Variants in CSMD3 observed in about 807,000 individuals in gnomAD.
The protein encoded by CSMD3 is CUB and sushi domain-containing protein 3.
CSMD3 carries 177 observed loss-of-function variants against 435.2 expected under a neutral mutation model. The ratio of observed to expected loss-of-function variants is 0.41; its 90% CI spans 0.36 to 0.46. CSMD3 has a LOEUF of 0.46. Ranked by LOEUF, CSMD3 falls within the 20% of genes least tolerant of loss-of-function variation. The pLI, the probability that CSMD3 is intolerant of heterozygous loss-of-function variation, is 0.34. For missense variants in CSMD3, 4,265 were observed against 4,504.6 expected, an observed-to-expected ratio of 0.95 and a Z score of 1.52; for synonymous variants, 1,656 against 1,520.5, an observed-to-expected ratio of 1.09 and a Z score of -2.07.
At chr8:112,815,629 G>A (rs964485690) in intron 12 of CSMD3, among the ~76,000 whole-genome samples, 1 of 151,998 alleles carries the variant, frequency 6.6e-6, no homozygotes, top group Non-Finnish European at 1.5e-5. Context: ...AAATATTCCT[G>A]AGAACAAAAG....
chr8:112,985,299 T>C (rs1156578645), intron 6 of CSMD3, among the ~76,000 whole-genome samples: 1 of 151,294 alleles, frequency 6.6e-6, no homozygotes, highest in Non-Finnish European at 1.5e-5. Flanking sequence ...AAAGGTGCGG[T>C]AGGGGAAAAG....
intron 11 of CSMD3, among the ~76,000 whole-genome samples, chr8:112,845,018 G>T (rs541625952): frequency 1.0e-3 from 158 of 152,032 alleles, no homozygotes; most frequent in African/African-American, 3.7e-3. Context: ...ATGGTTAGTA[G>T]TGGGAACAGT....
intron 11 of CSMD3, among the ~76,000 whole-genome samples, chr8:112,855,295 A>C (rs1011734158): frequency 6.6e-6 from 1 of 152,150 alleles, no homozygotes; most frequent in Non-Finnish European, 1.5e-5. Flanking sequence ...TTACATTGAC[A>C]TCTATTATTT....
At chr8:112,596,979 A>G (rs1450503795) in intron 22 of CSMD3, among the ~76,000 whole-genome samples, 1 of 152,164 alleles carries the variant, frequency 6.6e-6, no homozygotes, top group Non-Finnish European at 1.5e-5. Context: ...GAGCAAACAC[A>G]TTCAAAAGCT....
chr8:112,903,710 T>C (rs915783749), intron 10 of CSMD3, among the ~76,000 whole-genome samples: 1 of 151,336 alleles, frequency 6.6e-6, no homozygotes, highest in African/African-American at 2.4e-5. Flanking sequence ...TCTGACTGAT[T>C]TGAACACAAT....
At chr8:112,564,017 C>A (rs1025444982) in intron 24 of CSMD3, among the ~76,000 whole-genome samples, 2 of 151,994 alleles carry the variant, frequency 1.3e-5, no homozygotes, top group Non-Finnish European at 2.9e-5. Flanking sequence ...AACCTAATCA[C>A]CACACTTTTA....
chr8:112,536,936 G>A (rs930661627), intron 27 of CSMD3, among the ~76,000 whole-genome samples: 4 of 151,816 alleles, frequency 2.6e-5, no homozygotes, highest in South Asian at 2.1e-4. Context: ...ACCAAACACC[G>A]CATATTCTCA....
chr8:112,266,089 G>A (rs1816919008), intron 59 of CSMD3, among the ~76,000 whole-genome samples: 1 of 152,060 alleles, frequency 6.6e-6, no homozygotes, highest in Admixed American at 6.6e-5. Context: ...TATAAGAAAT[G>A]CAGATGTATG....
chr8:112,701,142 T>A (rs2076380601), intron 13 of CSMD3, among the ~76,000 whole-genome samples: 1 of 152,136 alleles, frequency 6.6e-6, no homozygotes, highest in Non-Finnish European at 1.5e-5. Context: ...GCTTCAACTA[T>A]GTTTTCTAGA....
rs185483598 is a variant in CSMD3 at position 112,945,341 on chromosome 8, A to G, written c.1508+2449T>C. ...CTAACTAAAATTTAAGTTTTCTTCA[A>G]TCACTGAGCTAAAATAGAAAGCATG... On this transcript the variant is annotated intron_variant, in intron 9 of 70. Transcript: ENST00000297405. Among the ~76,000 whole-genome samples the G allele has an allele frequency of 8.0e-4, 122 of 151,862 alleles. 1 individual carries two copies. The highest frequency in any genetic ancestry group is 2.7e-3 in the African/African-American group (114 of 41,508).
At chr8:112,879,254 A>T (rs1356819821) in intron 10 of CSMD3, among the ~76,000 whole-genome samples, 2 of 152,158 alleles carry the variant, frequency 1.3e-5, no homozygotes, top group East Asian at 1.9e-4. Context: ...CTCTAGGAGT[A>T]TCTGCCTTAT....
intron 5 of CSMD3, among the ~76,000 whole-genome samples, chr8:113,042,022 T>A (rs1354284962): frequency 6.6e-6 from 1 of 152,230 alleles, no homozygotes; most frequent in Non-Finnish European, 1.5e-5. Flanking sequence ...GAATTAATGC[T>A]TTGTTGTACT....
chr8:112,658,045 T>A (rs1230316882), intron 17 of CSMD3, among the ~76,000 whole-genome samples: 1 of 152,224 alleles, frequency 6.6e-6, no homozygotes, highest in Non-Finnish European at 1.5e-5. Context: ...AATGTCTTTC[T>A]TTTCTCTAGG....
intron 3 of CSMD3, among the ~76,000 whole-genome samples, chr8:113,237,786 G>C (rs1223858895): frequency 6.6e-6 from 1 of 152,044 alleles, no homozygotes; most frequent in East Asian, 1.9e-4. Flanking sequence ...TTTATCAAAG[G>C]GAGTTCTGGG....
At chr8:112,565,624 G>A (rs1198254624) in intron 24 of CSMD3, among the ~76,000 whole-genome samples, 1 of 151,960 alleles carries the variant, frequency 6.6e-6, no homozygotes, top group Non-Finnish European at 1.5e-5. Flanking sequence ...TTCTCCAGTG[G>A]GATTTTTTGT....
chr8:113,153,230 GAAGA>G (rs1200387346), intron 4 of CSMD3, among the ~76,000 whole-genome samples: 21 of 150,168 alleles, frequency 1.4e-4, no homozygotes, highest in Middle Eastern at 3.4e-3. Flanking sequence ...GAAAGAGAAA[GAAGA>G]AAGAAAGAAG....
At chr8:112,739,771 T>C (rs1587134150) in intron 13 of CSMD3, among the ~76,000 whole-genome samples, 2 of 151,840 alleles carry the variant, frequency 1.3e-5, no homozygotes, top group Non-Finnish European at 2.9e-5. Context: ...ATAGATAATA[T>C]CGCATGGTGT....
chr8:113,354,468 T>C (rs2094208644), intron 1 of CSMD3, among the ~76,000 whole-genome samples: 1 of 152,166 alleles, frequency 6.6e-6, no homozygotes, highest in Admixed American at 6.5e-5. Flanking sequence ...GAGTACAGAC[T>C]AAGGATGGAA....
intron 3 of CSMD3, among the ~76,000 whole-genome samples, chr8:113,231,920 G>C (rs2093092495): frequency 6.6e-6 from 1 of 151,452 alleles, no homozygotes; most frequent in Non-Finnish European, 1.5e-5. Context: ...TGCATTTTAA[G>C]AGTCATTAGA....
Sources: gnomAD v4.1 joint callset for allele counts (sites outside exome capture counted in the v4.1 genomes callset) on GRCh38, gnomAD v4.1.1 for gene constraint, MANE v1.5 for transcripts, NCBI Gene and HGNC (gene_info 2026-07-23, HGNC 2026-07-21) for gene names.